Variants in CEP70 observed in about 807,000 individuals in gnomAD.
The protein encoded by CEP70 is centrosomal protein 70, also known as centrosomal protein of 70 kDa.
In CEP70, 70 loss-of-function variants were observed where a neutral mutation model predicts 90.9. The observed-to-expected ratio is 0.77, with a 90% CI of 0.64 to 0.94. The LOEUF (loss-of-function observed/expected upper bound fraction) is 0.94. CEP70 is among the 40% of genes least tolerant of loss of function. The pLI is 0.00. For synonymous variants in CEP70, 220 were observed against 228.3 expected (o/e 0.96, Z 0.33); for missense variants, 648 against 669.0 (o/e 0.97, Z 0.35).
Position 138,560,143 on chromosome 3 carries a change from C to T in CEP70, c.465+10175G>A, listed in dbSNP as rs181199870. Among the ~76,000 whole-genome samples the T allele has an allele frequency of 1.1e-4, 17 of 152,284 alleles. No individual in the cohort carries two copies. The East Asian group carries it at 2.5e-3, about 22-fold the overall frequency. On this transcript the variant is annotated intron_variant, in intron 6 of 17. Transcript: ENST00000264982. ...CGATGCAGAAGGCGGGTGATTTCTG[C>T]GTTTCCAACTGAGGTACCGTGTTCA...
At chr3:138,550,521 G>A (rs372195679) in intron 6 of CEP70, among the ~76,000 whole-genome samples, 19 of 152,190 alleles carry the variant, frequency 1.2e-4, no homozygotes, top group Non-Finnish European at 1.6e-4. Flanking sequence ...GTGCCACCAC[G>A]CTTGGCTAAT....
At chr3:138,530,381 T>C (rs2037702202) in intron 8 of CEP70, among the ~76,000 whole-genome samples, 2 of 152,228 alleles carry the variant, frequency 1.3e-5, no homozygotes, top group Admixed American at 6.5e-5. Context: ...ACTGGGTACA[T>C]GCATGATTTC....
chr3:138,520,651 A>G (rs996149161), intron 11 of CEP70, among the ~76,000 whole-genome samples: 14 of 152,242 alleles, frequency 9.2e-5, no homozygotes, highest in Non-Finnish European at 1.0e-4. Context: ...CAAAGACACA[A>G]TATACCAGAA....
intron 11 of CEP70, among the ~76,000 whole-genome samples, chr3:138,523,674 G>C (rs2036912028): frequency 6.6e-6 from 1 of 152,156 alleles, no homozygotes; most frequent in South Asian, 2.1e-4. Context: ...CAAGGAACGT[G>C]AAGGACCTCT....
rs377579375 is a variant in CEP70 at position 138,525,494 on chromosome 3, C to T, written c.940G>A (p.Val314Ile). ...KKLEKALKKN[V>I]KLQELINHKK... Reference sequence around the variant, plus strand: ...TTTTGGTAAAAATATAATTACTTGACGTTTTTCTTAAGGGCTTTTTCCAGC... The same window carrying T: ...TTTTGGTAAAAATATAATTACTTGATGTTTTTCTTAAGGGCTTTTTCCAGC... The change falls in exon 11 of 18, where the codon GTC becomes ATC. Residue 314 changes from valine (V) to isoleucine (I), a missense_variant. Coordinates refer to ENST00000264982, the MANE Select transcript of CEP70 (RefSeq NM_024491.4). The T allele has an allele frequency of 4.4e-5, 60 of 1,374,174 alleles. No individual in the cohort carries two copies. Among genetic ancestry groups the T allele is most frequent in the East Asian group, 8.0e-5 (3 of 37,360 alleles). The allele number at this position is 1,374,174 out of a possible 1,614,324, so 85.1% of individuals were successfully genotyped here.
chr3:138,520,777 G>A lies in CEP70; in HGVS notation c.944+4713C>T, dbSNP rs116694087. On this transcript the variant is annotated intron_variant, in intron 11 of 17. Coordinates refer to ENST00000264982, the MANE Select transcript of CEP70 (RefSeq NM_024491.4). ...CTTAACATCACAATTAAAAGAACTA[G>A]AGCTCCCTCTCCCTCTCCCTTTTCA... Among the ~76,000 whole-genome samples, 589 of 152,164 alleles carry A rather than the reference G, an allele frequency of 3.9e-3. 3 individuals carry two copies. Among genetic ancestry groups the A allele is most frequent in the African/African-American group, 0.014 (575 of 41,528 alleles).
At chr3:138,501,969 C>A (rs1338102559) in intron 13 of CEP70, among the ~76,000 whole-genome samples, 1 of 152,028 alleles carries the variant, frequency 6.6e-6, no homozygotes, top group Non-Finnish European at 1.5e-5. Flanking sequence ...TACTTCTAGG[C>A]CCAAGCACTG....
At chr3:138,564,932 G>C (rs1019643584) in intron 6 of CEP70, among the ~76,000 whole-genome samples, 2 of 152,276 alleles carry the variant, frequency 1.3e-5, no homozygotes, top group East Asian at 3.9e-4. Context: ...TGACATGATT[G>C]TATATTTAGA....
chr3:138,503,964 T>C (rs1458762429), intron 13 of CEP70, among the ~76,000 whole-genome samples: 1 of 152,226 alleles, frequency 6.6e-6, no homozygotes, highest in Non-Finnish European at 1.5e-5. Context: ...CATCCCATAA[T>C]GGCTTAGCAT....
At chr3:138,532,619 A>C (rs1424655437) in intron 7 of CEP70, 49 bp from the exon 8 acceptor site, 4 of 1,232,768 alleles carry the variant, frequency 3.2e-6, no homozygotes, top group Non-Finnish European at 4.4e-6. Context: ...ATGGTATTAC[A>C]GCATCTACTA....
chr3:138,523,780 G>A (rs188879072), intron 11 of CEP70, among the ~76,000 whole-genome samples: 8 of 152,130 alleles, frequency 5.3e-5, no homozygotes, highest in South Asian at 4.2e-4. Context: ...AATCAATATC[G>A]TGAAAATGGC....
intron 2 of CEP70, among the ~76,000 whole-genome samples, chr3:138,590,789 C>A (rs369293676): frequency 6.4e-4 from 97 of 151,294 alleles, no homozygotes; most frequent in African/African-American, 2.3e-3. Context: ...CCAGCCTGGA[C>A]AACAGAATGA....
intron 17 of CEP70, chr3:138,495,834 A>G (rs1324869252): frequency 1.0e-6 from 1 of 969,936 alleles, no homozygotes; most frequent in African/African-American, 1.8e-5. Flanking sequence ...CCTGGGTGAC[A>G]GAGAGCAAGA....
chr3:138,520,038 C>T (rs1356854355), intron 11 of CEP70, among the ~76,000 whole-genome samples: 2 of 152,102 alleles, frequency 1.3e-5, no homozygotes, highest in Non-Finnish European at 2.9e-5. Flanking sequence ...CAATCCTAGT[C>T]TCTGATAAAA....
chr3:138,570,317 C>A lies in CEP70; in HGVS notation c.465+1G>T. The A allele has an allele frequency of 6.4e-7, 1 of 1,563,496 alleles. No individual in the cohort carries two copies. Among genetic ancestry groups the A allele is most frequent in the East Asian group, 2.4e-5 (1 of 42,522 alleles). Reference sequence around the variant, plus strand: ...TCATCTAAGAATTCATAACTCAGTACCTGTAAAGTTTTCTGCTCCTTTTGA... The same window carrying A: ...TCATCTAAGAATTCATAACTCAGTAACTGTAAAGTTTTCTGCTCCTTTTGA... On this transcript the variant is annotated splice_donor_variant, in intron 6 of 17. Coordinates refer to ENST00000264982, the MANE Select transcript of CEP70 (RefSeq NM_024491.4). LOFTEE classifies it high-confidence loss of function.
rs201860032 is a variant in CEP70 at position 138,529,336 on chromosome 3, TTTA to T, written c.780+36_780+38del. On this transcript the variant is annotated intron_variant, in intron 9 of 17. Coordinates refer to ENST00000264982, the MANE Select transcript of CEP70 (RefSeq NM_024491.4). Reference sequence around the variant, plus strand: ...TAATTAACTTTCTTAGATTACTTAGTTTATTAAAAAGTATTTATTAGTTATGCA... The same window carrying T: ...TAATTAACTTTCTTAGATTACTTAGTTTAAAAAGTATTTATTAGTTATGCA... 1,386 of 1,568,434 alleles carry T rather than the reference TTTA, an allele frequency of 8.8e-4. 8 individuals are homozygous for T. The African/African-American group carries it at 0.017, about 19-fold the overall frequency.
chr3:138,592,988 A>G (rs2042459766), intron 1 of CEP70: 1 of 152,246 alleles, frequency 6.6e-6, no homozygotes, highest in Non-Finnish European at 1.5e-5. Context: ...TACCCCAAAT[A>G]GGAAAGAGTT....
At chr3:138,549,154 C>T (rs2039434973) in intron 6 of CEP70, among the ~76,000 whole-genome samples, 1 of 151,668 alleles carries the variant, frequency 6.6e-6, no homozygotes, top group Admixed American at 6.6e-5. Context: ...AGGAAGGAAA[C>T]CTCCAGCTGA....
intron 2 of CEP70, among the ~76,000 whole-genome samples, chr3:138,577,776 A>C (rs1010896749): frequency 1.1e-4 from 17 of 152,230 alleles, no homozygotes; most frequent in African/African-American, 4.1e-4. Context: ...TAATTACATT[A>C]ATCATGAATG....
Sources: gnomAD v4.1 joint callset for allele counts (sites outside exome capture counted in the v4.1 genomes callset) on GRCh38, gnomAD v4.1.1 for gene constraint, MANE v1.5 for transcripts, NCBI Gene and HGNC (gene_info 2026-07-23, HGNC 2026-07-21) for gene names.